UNC5C: variants seen among roughly 807,000 people sequenced by gnomAD.
UNC5C encodes unc-5 netrin receptor C.
In UNC5C, 47 loss-of-function variants were observed where a neutral mutation model predicts 99.8. The ratio of observed to expected loss-of-function variants is 0.47; its 90% CI spans 0.37 to 0.60. The LOEUF is 0.60. UNC5C is among the 20% of genes least tolerant of loss of function. The pLI is 0.00. For missense variants in UNC5C, 1,062 were observed against 1,165.9 expected, an observed-to-expected ratio of 0.91 and a Z score of 1.30; for synonymous variants, 487 against 452.2, an observed-to-expected ratio of 1.08 and a Z score of -0.98.
At chr4:95,228,100 A>G (rs1738762347) in intron 7 of UNC5C, among the ~76,000 whole-genome samples, 1 of 152,228 alleles carries the variant, frequency 6.6e-6, no homozygotes, top group African/African-American at 2.4e-5. Context: ...ATCCCTAAGT[A>G]CACAGCCAAG....
At chr4:95,264,933 C>T (rs770777037) in intron 4 of UNC5C, among the ~76,000 whole-genome samples, 2 of 152,116 alleles carry the variant, frequency 1.3e-5, no homozygotes, top group Non-Finnish European at 2.9e-5. Flanking sequence ...TCATATAGTC[C>T]TTCTCAAGGA....
At chr4:95,219,379 C>T in intron 8 of UNC5C, 66 bp from the exon 9 acceptor site, 1 of 1,471,750 alleles carries the variant, frequency 6.8e-7, no homozygotes, top group South Asian at 1.3e-5. Context: ...ATTAGTCAGA[C>T]TCCCCCTCAC....
chr4:95,180,387 G>T (rs1736565744), intron 14 of UNC5C, among the ~76,000 whole-genome samples: 1 of 152,198 alleles, frequency 6.6e-6, no homozygotes, highest in South Asian at 2.1e-4. Context: ...TGGAGATAAT[G>T]AGTAGCTTCC....
rs544371201 is a variant in UNC5C, at chr4:95,442,907, C to A, written c.124+105827G>T. On this transcript the variant is annotated intron_variant, in intron 1 of 15. Transcript: ENST00000453304. ...TATAGCTTCTTCTTGTATTATTTAT[C>A]ATAATGGTAACGCTGGCAGATGTTT... Among the ~76,000 whole-genome samples the A allele has an allele frequency of 5.3e-5, 8 of 151,972 alleles. No homozygotes were observed. In the East Asian group the frequency reaches 1.4e-3, roughly 26 times the overall value.
intron 1 of UNC5C, among the ~76,000 whole-genome samples, chr4:95,500,882 A>T (rs907884256): frequency 6.6e-6 from 1 of 152,144 alleles, no homozygotes; most frequent in African/African-American, 2.4e-5. Context: ...CAAATACCGT[A>T]TATTTTTTCC....
chr4:95,411,287 C>CAA (rs111802631), intron 1 of UNC5C, among the ~76,000 whole-genome samples: 9 of 151,076 alleles, frequency 6.0e-5, no homozygotes, highest in African/African-American at 2.2e-4. Flanking sequence ...GTCTAGGGGG[C>CAA]AAAAAAAACC....
intron 2 of UNC5C, among the ~76,000 whole-genome samples, chr4:95,319,753 G>A (rs1438615207): frequency 2.0e-5 from 3 of 152,102 alleles, no homozygotes; most frequent in Admixed American, 2.0e-4. Flanking sequence ...TTCATCGATT[G>A]TGGAAATTTT....
intron 12 of UNC5C, among the ~76,000 whole-genome samples, chr4:95,194,374 C>T (rs1353506292): frequency 6.6e-6 from 1 of 152,160 alleles, no homozygotes; most frequent in African/African-American, 2.4e-5. Context: ...GAAATCACCA[C>T]TAACATAGTG....
rs1337047005 is a variant in UNC5C at position 95,368,446 on chromosome 4, C to CA, written c.125-32816dup. Among the ~76,000 whole-genome samples the CA allele has an allele frequency of 5.3e-5, 8 of 151,630 alleles. No individual in the cohort carries two copies. The South Asian group carries it at 1.2e-3, about 24-fold the overall frequency. On this transcript the variant is annotated intron_variant, in intron 1 of 15. Coordinates refer to ENST00000453304, the MANE Select transcript of UNC5C (RefSeq NM_003728.4). ...AAAGAAAAACAAATAATTCTAGAAA[C>CA]AAAAAAAGGCAAAATTATTTCAAAG...
intron 1 of UNC5C, among the ~76,000 whole-genome samples, chr4:95,453,244 A>G (rs1266795705): frequency 6.6e-6 from 1 of 152,156 alleles, no homozygotes; most frequent in African/African-American, 2.4e-5. Flanking sequence ...CTAGTGAAAG[A>G]AAACAGACAG....
At chr4:95,328,474 A>G (rs1252151709) in intron 2 of UNC5C, among the ~76,000 whole-genome samples, 2 of 134,608 alleles carry the variant, frequency 1.5e-5, no homozygotes, top group African/African-American at 2.6e-5. Flanking sequence ...ATTGTTGGAC[A>G]TTTGGGTTGG....
chr4:95,369,825 G>A (rs531642499), intron 1 of UNC5C, among the ~76,000 whole-genome samples: 25 of 151,762 alleles, frequency 1.6e-4, no homozygotes, highest in African/African-American at 5.3e-4. Context: ...TAGGAAGGAC[G>A]GCATTGCAGA....
At chr4:95,547,842 G>A (rs1267519434) in intron 1 of UNC5C, among the ~76,000 whole-genome samples, 2 of 152,166 alleles carry the variant, frequency 1.3e-5, no homozygotes, top group Non-Finnish European at 2.9e-5. Flanking sequence ...GATCAGCTCC[G>A]GAGCCTCCCC....
intron 1 of UNC5C, among the ~76,000 whole-genome samples, chr4:95,336,191 A>G (rs1320162124): frequency 6.6e-6 from 1 of 151,998 alleles, no homozygotes; most frequent in East Asian, 1.9e-4. Context: ...AAACCACTTT[A>G]GATAATTTGC....
At chr4:95,327,696 C>T (rs1420651411) in intron 2 of UNC5C, among the ~76,000 whole-genome samples, 1 of 152,072 alleles carries the variant, frequency 6.6e-6, no homozygotes, top group African/African-American at 2.4e-5. Context: ...GGCAGTATAA[C>T]TTCTGACTGC....
intron 12 of UNC5C, 61 bp downstream of exon 12, chr4:95,202,670 C>T (rs762477586): frequency 2.1e-5 from 31 of 1,506,022 alleles, no homozygotes; most frequent in Middle Eastern, 1.7e-4. Context: ...TGTGCACAGC[C>T]GTGCAAAACC....
Position 95,335,349 on chromosome 4 carries a change from C to A in UNC5C, c.346+61G>T, listed in dbSNP as rs113348174. On this transcript the variant is annotated intron_variant, in intron 2 of 15. Transcript: ENST00000453304. ...ACTAATTGAAATAACAGTATGTCCA[C>A]ATGCTAGAGTAGTGAGTAAGTGAAT... 2.1e-4 allele frequency: 302 copies of A among 1,423,792 alleles called. No homozygotes were observed. The African/African-American group carries it at 3.6e-3, about 17-fold the overall frequency. 88.2% of individuals were successfully genotyped at this position (1,423,792 alleles called of 1,614,324 possible).
intron 1 of UNC5C, among the ~76,000 whole-genome samples, chr4:95,438,924 CA>C (rs1429773157): frequency 6.6e-6 from 1 of 152,106 alleles, no homozygotes; most frequent in African/African-American, 2.4e-5. Flanking sequence ...TATCCATAAT[CA>C]TTGAGGAAAC....
In UNC5C at chr4:95,548,903, G is replaced by A. The variant is rs1318946172; in HGVS notation, c.-46C>T. ...GGGGAGGGGAGGGGGACAGAGAGAC[G>A]CGCAAACAGCTGAAAGCCCCACTGG... is the stretch of plus-strand genomic sequence containing the variant. On this transcript the variant is annotated 5_prime_UTR_variant, in exon 1 of 16. Coordinates refer to ENST00000453304, the MANE Select transcript of UNC5C (RefSeq NM_003728.4). The A allele has an allele frequency of 1.9e-6, 3 of 1,607,298 alleles. No individual in the cohort carries two copies. The highest frequency in any genetic ancestry group is 1.7e-5 in the Admixed American group (1 of 59,814).
Sources: gnomAD v4.1 joint callset for allele counts (sites outside exome capture counted in the v4.1 genomes callset) on GRCh38, gnomAD v4.1.1 for gene constraint, MANE v1.5 for transcripts, NCBI Gene and HGNC (gene_info 2026-07-23, HGNC 2026-07-21) for gene names.